The following GPHN variants were observed in gnomAD, a reference collection of about 807,000 sequenced individuals.
GPHN encodes gephyrin.
A neutral mutation model predicts 95.5 loss-of-function variants in GPHN; 17 were observed. That is an observed-to-expected ratio of 0.18 (90% CI 0.12 to 0.27). GPHN has a LOEUF of 0.27. Ranked by LOEUF, GPHN falls within the 10% of genes least tolerant of loss-of-function variation. The probability of loss-of-function intolerance (pLI) is 1.00; values close to 1 mark genes in which losing one functional copy is unlikely to be tolerated. For synonymous variants in GPHN, 320 were observed against 322.5 expected (o/e 0.99, Z 0.08); for missense variants, 660 against 978.1 (o/e 0.67, Z 4.34).
chr14:67,616,072 A>C, the GPHN span: 3 of 296,418 alleles, frequency 1.0e-5, no homozygotes, highest in Non-Finnish European at 1.4e-5. Context: ...GAGGAGGAAA[A>C]TGAAGAAGAT....
At chr14:66,897,005 T>C (rs1253009655) in intron 5 of GPHN, among the ~76,000 whole-genome samples, 1 of 152,162 alleles carries the variant, frequency 6.6e-6, no homozygotes, top group East Asian at 1.9e-4. Context: ...TATGAAAATT[T>C]TATATTTATA....
chr14:66,948,815 T>A (rs987169019), intron 8 of GPHN, among the ~76,000 whole-genome samples: 1 of 152,222 alleles, frequency 6.6e-6, no homozygotes, highest in African/African-American at 2.4e-5. Flanking sequence ...GGAGGTTGTT[T>A]GTTTGTTTAG....
chr14:67,021,160 TAAAC>T (rs1468001332), intron 9 of GPHN, among the ~76,000 whole-genome samples: 4 of 152,132 alleles, frequency 2.6e-5, no homozygotes, highest in South Asian at 2.1e-4. Flanking sequence ...GCATAAATAA[TAAAC>T]AACATTTTTA....
chr14:66,728,653 C>A (rs1157240734), intron 2 of GPHN, among the ~76,000 whole-genome samples: 1 of 152,214 alleles, frequency 6.6e-6, no homozygotes, highest in East Asian at 1.9e-4. Context: ...TGGCCAATTT[C>A]TCCCATTTGT....
At chr14:67,361,780 G>C in the GPHN span, among the ~76,000 whole-genome samples, 1 of 152,206 alleles carries the variant, frequency 6.6e-6, no homozygotes, top group African/African-American at 2.4e-5. Context: ...TGATATTGAG[G>C]TTCTGTGGGT....
At chr14:67,351,041 T>C in the GPHN span, among the ~76,000 whole-genome samples, 1 of 152,248 alleles carries the variant, frequency 6.6e-6, no homozygotes, top group Non-Finnish European at 1.5e-5. Context: ...GGTGTATTAA[T>C]TTTAAAGTAC....
At chr14:67,690,785 A>G in the GPHN span, 1 of 379,762 alleles carries the variant, frequency 2.6e-6, no homozygotes, top group Non-Finnish European at 4.8e-6. Context: ...GAGTTTAAGT[A>G]CAGCCTGGGC....
chr14:67,010,873 A>G lies in GPHN; in HGVS notation c.964-12760A>G, dbSNP rs190240351. Among the ~76,000 whole-genome samples, 759 of 152,320 alleles carry G rather than the reference A, an allele frequency of 5.0e-3. 7 individuals are homozygous for G. The highest frequency in any genetic ancestry group is 0.031 in the Middle Eastern group (9 of 294). On this transcript the variant is annotated intron_variant, in intron 9 of 22. Coordinates refer to ENST00000478722, the MANE Select transcript of GPHN (RefSeq NM_020806.5). ...AGAATTTAATAGCATTCTCAGTTCA[A>G]TAAATACTTAGTGAAGGAAAAAAAT...
chr14:66,585,225 G>A lies in GPHN; in HGVS notation c.64+76634G>A, dbSNP rs982413538. 3.3e-5 allele frequency among the ~76,000 whole-genome samples: 5 copies of A among 151,974 alleles called. No individual in the cohort carries two copies. In the East Asian group the frequency reaches 7.7e-4, roughly 23 times the overall value. ...TGGTAGTTTGTATTTCTGTGGGATC[G>A]GTGATGATATCCCCTTTGTTATTTT... On this transcript the variant is annotated intron_variant, in intron 1 of 22. Transcript: ENST00000478722.
chr14:67,549,024 C>T, the GPHN span, among the ~76,000 whole-genome samples: 4 of 152,212 alleles, frequency 2.6e-5, no homozygotes, highest in Admixed American at 6.5e-5. Context: ...GTGCCAGTTT[C>T]ACAACATATG....
intron 9 of GPHN, among the ~76,000 whole-genome samples, chr14:67,022,799 G>A (rs2073728116): frequency 6.6e-6 from 1 of 151,638 alleles, no homozygotes; most frequent in Non-Finnish European, 1.5e-5. Context: ...TTTGTGGCAA[G>A]CTGCTGTGGA....
chr14:66,560,985 A>G (rs2060208598), intron 1 of GPHN, among the ~76,000 whole-genome samples: 1 of 152,196 alleles, frequency 6.6e-6, no homozygotes, highest in Admixed American at 6.5e-5. Flanking sequence ...CCTTTTCTGC[A>G]TCTATTGAGA....
chr14:67,726,153 T>C, the GPHN span: 4 of 1,590,528 alleles, frequency 2.5e-6, no homozygotes, highest in Admixed American at 6.7e-5. Flanking sequence ...GTCAACCACC[T>C]GGGTAAGTAT....
chr14:66,815,671 G>A (rs1264448627), intron 3 of GPHN, among the ~76,000 whole-genome samples: 1 of 152,158 alleles, frequency 6.6e-6, no homozygotes, highest in Non-Finnish European at 1.5e-5. Context: ...AGCACTAAGT[G>A]TGGAAAGGAA....
In GPHN at chr14:67,181,399, A is replaced by G. The variant is rs1348273226; in HGVS notation, c.*462A>G. On this transcript the variant is annotated 3_prime_UTR_variant, in exon 23 of 23. Transcript: ENST00000478722. ...AGCTTTTGCTTGTTCTTTCTCATGT[A>G]TCTCGTGTTTATGTGCACAGTGCCA... 5 of 483,404 alleles carry G rather than the reference A, an allele frequency of 1.0e-5. No homozygotes were observed. Among genetic ancestry groups the G allele is most frequent in the Non-Finnish European group, 1.6e-5 (4 of 253,060 alleles). 29.9% of individuals were successfully genotyped at this position (483,404 alleles called of 1,614,324 possible).
At chr14:67,732,366 A>T in the GPHN span, among the ~76,000 whole-genome samples, 1 of 147,862 alleles carries the variant, frequency 6.8e-6, no homozygotes, top group Non-Finnish European at 1.5e-5. Context: ...TCAGCCTGGG[A>T]GGTCAAGGCT....
intron 8 of GPHN, among the ~76,000 whole-genome samples, chr14:66,957,226 C>A (rs1427603566): frequency 9.4e-6 from 1 of 106,916 alleles, no homozygotes; most frequent in Non-Finnish European, 1.7e-5. Context: ...GATGGGGTCT[C>A]GCTCTGTCTC....
At chr14:66,852,517 A>T (rs749740269) in intron 4 of GPHN, among the ~76,000 whole-genome samples, 13 of 152,242 alleles carry the variant, frequency 8.5e-5, no homozygotes, top group Admixed American at 1.3e-4. Context: ...TCTTAAGCAG[A>T]ATGAACTTAG....
chr14:66,564,246 G>A (rs2060372605), intron 1 of GPHN, among the ~76,000 whole-genome samples: 1 of 151,960 alleles, frequency 6.6e-6, no homozygotes, highest in African/African-American at 2.4e-5. Context: ...ACAAAGAAGT[G>A]TAACTTTTTA....
Sources: gnomAD v4.1 joint callset for allele counts (sites outside exome capture counted in the v4.1 genomes callset) on GRCh38, gnomAD v4.1.1 for gene constraint, MANE v1.5 for transcripts, NCBI Gene and HGNC (gene_info 2026-07-23, HGNC 2026-07-21) for gene names.